The following LRBA variants were observed in gnomAD, a reference collection of about 807,000 sequenced individuals.
The protein encoded by LRBA is LPS responsive beige-like anchor protein, also known as lipopolysaccharide-responsive and beige-like anchor protein.
Under a neutral mutation model 330.0 loss-of-function variants are expected in LRBA, and 176 were observed. The observed-to-expected ratio is 0.53, with a 90% CI of 0.47 to 0.60. The LOEUF is 0.60. Ranked by LOEUF, LRBA falls within the 20% of genes least tolerant of loss-of-function variation. The pLI is 0.00. For synonymous variants in LRBA, 1,230 were observed against 1,193.0 expected (o/e 1.03, Z -0.64); for missense variants, 3,259 against 3,444.8 (o/e 0.95, Z 1.35).
chr4:150,919,761 A>G (rs1247926200), intron 5 of LRBA, among the ~76,000 whole-genome samples: 1 of 152,230 alleles, frequency 6.6e-6, no homozygotes, highest in Non-Finnish European at 1.5e-5. Context: ...AATTCCCAGT[A>G]AAAGCTATGT....
rs1473740321 is a variant in LRBA, at chr4:150,632,230, C to T, written c.5922-33099G>A. Among the ~76,000 whole-genome samples, 5 of 33,464 alleles carry T rather than the reference C, an allele frequency of 1.5e-4. No homozygotes were observed. In the Admixed American group the frequency reaches 1.8e-3, roughly 12 times the overall value. The allele number at this position is 33,464 out of a possible 152,430, so 22.0% of individuals were successfully genotyped here. On this transcript the variant is annotated intron_variant, in intron 37 of 56. Transcript: ENST00000651943. Reference sequence around the variant, plus strand: ...TGGGAGACAGAGTGAGACTCTGTCTCAAGGAAAAAAAAAAAAAAAAGTGAT... The same window carrying T: ...TGGGAGACAGAGTGAGACTCTGTCTTAAGGAAAAAAAAAAAAAAAAGTGAT...
At chr4:150,584,081 C>T (rs766732897) in intron 40 of LRBA, 1 of 1,555,594 alleles carries the variant, frequency 6.4e-7, no homozygotes, top group Non-Finnish European at 8.7e-7. Flanking sequence ...GAAATTCTCA[C>T]CAATCCCAAA....
At chr4:150,464,360 T>TAG (rs928737679) in intron 44 of LRBA, among the ~76,000 whole-genome samples, 3 of 151,968 alleles carry the variant, frequency 2.0e-5, no homozygotes, top group Non-Finnish European at 4.4e-5. Flanking sequence ...ATTCAAACCA[T>TAG]AGAGAGAGAG....
chr4:150,866,875 T>C (rs1752766805), intron 22 of LRBA, among the ~76,000 whole-genome samples: 1 of 151,940 alleles, frequency 6.6e-6, no homozygotes, highest in South Asian at 2.1e-4. Flanking sequence ...AGTGCAAACA[T>C]AAAAAATAAA....
chr4:150,492,190 G>C (rs1240025227), intron 40 of LRBA, among the ~76,000 whole-genome samples: 1 of 117,746 alleles, frequency 8.5e-6, no homozygotes, highest in Non-Finnish European at 1.9e-5. Flanking sequence ...AAAAAAAAAA[G>C]AGTAACAAAC....
At chr4:150,748,407 G>A (rs568773054) in intron 35 of LRBA, among the ~76,000 whole-genome samples, 8 of 152,212 alleles carry the variant, frequency 5.3e-5, no homozygotes, top group African/African-American at 1.7e-4. Context: ...GGTAGCTCAC[G>A]CCTGTAATCC....
intron 36 of LRBA, among the ~76,000 whole-genome samples, chr4:150,688,831 G>A (rs1783854821): frequency 6.6e-6 from 1 of 152,184 alleles, no homozygotes. Context: ...GGAGAAATAG[G>A]AACGCTTTTA....
intron 2 of LRBA, among the ~76,000 whole-genome samples, chr4:150,932,431 C>G (rs977020999): frequency 1.4e-5 from 2 of 148,056 alleles, no homozygotes; most frequent in African/African-American, 4.9e-5. Context: ...GGCACTAAAA[C>G]ATGAAACCCA....
At chr4:150,941,624 T>C (rs977551093) in intron 2 of LRBA, among the ~76,000 whole-genome samples, 8 of 152,182 alleles carry the variant, frequency 5.3e-5, no homozygotes, top group African/African-American at 9.6e-5. Flanking sequence ...CAATGGCTCA[T>C]GTCTGTAATC....
intron 40 of LRBA, among the ~76,000 whole-genome samples, chr4:150,559,665 A>ATATTATATTATATAT (rs1561350862): frequency 1.2e-5 from 1 of 86,118 alleles, no homozygotes; most frequent in South Asian, 2.7e-4. Context: ...TAATTATAAT[A>ATATTATATTATATAT]TATATATTAT....
intron 17 of LRBA, among the ~76,000 whole-genome samples, chr4:150,874,428 C>T (rs1391763107): frequency 6.6e-6 from 1 of 152,168 alleles, no homozygotes; most frequent in East Asian, 1.9e-4. Flanking sequence ...TGCAGGCATG[C>T]CAGAGATTAG....
At chr4:150,291,948 T>C (rs1354745353) in intron 53 of LRBA, among the ~76,000 whole-genome samples, 1 of 152,206 alleles carries the variant, frequency 6.6e-6, no homozygotes, top group East Asian at 1.9e-4. Context: ...TTGGAAGTCA[T>C]CATTCTCAGT....
At chr4:150,767,255 C>G (rs534446151) in intron 34 of LRBA, among the ~76,000 whole-genome samples, 1 of 152,092 alleles carries the variant, frequency 6.6e-6, no homozygotes, top group East Asian at 1.9e-4. Context: ...TAAATAATCT[C>G]CTAGAACGTA....
rs1744714356 is a variant in LRBA, at chr4:150,817,121, C to T, written c.5305+3G>A. 6.2e-6 allele frequency: 10 copies of T among 1,610,710 alleles called. No homozygotes were observed. The highest frequency in any genetic ancestry group is 8.5e-6 in the Non-Finnish European group (10 of 1,178,100). ...TTGTTGAAATCACTGATAACTAACT[C>T]ACCTGGTGATTCTCCTCCCATATCT... is the stretch of plus-strand genomic sequence containing the variant. On this transcript the variant is annotated splice_donor_region_variant and intron_variant, in intron 31 of 56. Coordinates refer to ENST00000651943, the MANE Select transcript of LRBA (RefSeq NM_001364905.1).
chr4:150,704,973 G>A (rs1785476445), intron 36 of LRBA, among the ~76,000 whole-genome samples: 2 of 152,098 alleles, frequency 1.3e-5, no homozygotes, highest in Admixed American at 1.3e-4. Flanking sequence ...TTGTTGTACC[G>A]AGTAATGTAA....
At chr4:150,872,615 A>G (rs1337764124) in intron 18 of LRBA, 48 bp downstream of exon 18, 2 of 1,232,082 alleles carry the variant, frequency 1.6e-6, no homozygotes, top group Non-Finnish European at 2.4e-6. Flanking sequence ...GATTTATAAA[A>G]TAAATAAGTA....
chr4:150,320,031 T>C (rs1303606410), intron 50 of LRBA, among the ~76,000 whole-genome samples: 2 of 152,056 alleles, frequency 1.3e-5, no homozygotes, highest in Non-Finnish European at 2.9e-5. Flanking sequence ...AAGTCTATAA[T>C]CTCCAGAAGT....
chr4:150,298,191 G>C (rs775562168), intron 53 of LRBA, among the ~76,000 whole-genome samples: 2 of 151,968 alleles, frequency 1.3e-5, no homozygotes, highest in Non-Finnish European at 2.9e-5. Context: ...CAATAAAAAG[G>C]ACATAATTCC....
At chr4:150,888,725 A>C (rs780785825) in intron 17 of LRBA, among the ~76,000 whole-genome samples, 31 of 152,200 alleles carry the variant, frequency 2.0e-4, no homozygotes, top group Non-Finnish European at 4.0e-4. Flanking sequence ...GAAACAAGGA[A>C]TATATTACAC....
Sources: allele counts gnomAD v4.1 joint callset (sites outside exome capture counted in the v4.1 genomes callset), GRCh38; gene constraint gnomAD v4.1.1; transcripts MANE v1.5; gene names NCBI Gene and HGNC (gene_info 2026-07-23, HGNC 2026-07-21).